RPL15: variants seen among roughly 807,000 people sequenced by gnomAD.
The protein encoded by RPL15 is ribosomal protein L15, also known as large ribosomal subunit protein eL15.
For missense variants in RPL15, 161 were observed against 271.8 expected (o/e 0.59, Z 2.87); for synonymous variants, 97 against 95.1 (o/e 1.02, Z -0.12).
chr3:23,918,325 G>T, intron 2 of RPL15, 115 bp from the exon 3 acceptor site: 1 of 1,228,522 alleles, frequency 8.1e-7, no homozygotes, highest in South Asian at 1.5e-5. Flanking sequence ...TTTTCTATTA[G>T]ATAGCATTAA....
In RPL15 at chr3:23,920,121, A is replaced by G; in HGVS notation, c.*620A>G. The G allele has an allele frequency of 1.0e-6, 1 of 985,862 alleles. No homozygotes were observed. Among genetic ancestry groups the G allele is most frequent in the Non-Finnish European group, 1.2e-6 (1 of 829,920 alleles). The allele number at this position is 985,862 out of a possible 1,614,324, so 61.1% of individuals were successfully genotyped here. A position where few individuals can be genotyped will look rare whatever the true frequency, so the allele number is the denominator to read the frequency against. ...TAAAATTATTAGCCTTAAGATTGGT[A>G]AGCTAGCAATGAATGCTAGGGTGGG... On this transcript the variant is annotated 3_prime_UTR_variant, in exon 4 of 4. Coordinates refer to ENST00000307839, the MANE Select transcript of RPL15 (RefSeq NM_002948.5).
upstream of RPL15, chr3:23,916,957 G>A (rs765065443): frequency 2.0e-5 from 3 of 152,672 alleles, no homozygotes; most frequent in Admixed American, 6.5e-5. Flanking sequence ...AGGCCGCTCA[G>A]GCTCGAATCT....
rs964035352 is a variant in RPL15 at position 23,917,144 on chromosome 3, C to T, written c.-40C>T. On this transcript the variant is annotated 5_prime_UTR_variant, in exon 1 of 4. Coordinates refer to ENST00000307839, the MANE Select transcript of RPL15 (RefSeq NM_002948.5). ...CAAAAGGCATTGTGGGAGTACAGCT[C>T]TTTCCTTTCCGTCTGGCGGCAGCCA... 2.0e-5 allele frequency: 3 copies of T among 153,032 alleles called. No individual in the cohort carries two copies. The highest frequency in any genetic ancestry group is 6.5e-5 in the Admixed American group (1 of 15,308). 9.5% of individuals were successfully genotyped at this position (153,032 alleles called of 1,614,324 possible).
At position 23,919,716 on chromosome 3, in the gene RPL15, T is replaced by C. The variant is rs1299570382; in HGVS notation, c.*215T>C. ...ACTTTTTTGTCTTTGCTTTATCTTA[T>C]TAGGGAGTTGTATGTCAGTGTATAA... On this transcript the variant is annotated 3_prime_UTR_variant, in exon 4 of 4. Transcript: ENST00000307839. 1 of 1,368,834 alleles carries C rather than the reference T, an allele frequency of 7.3e-7. No individual in the cohort carries two copies. The highest frequency in any genetic ancestry group is 2.7e-5 in the East Asian group (1 of 36,856). 84.8% of individuals were successfully genotyped at this position (1,368,834 alleles called of 1,614,324 possible).
At chr3:23,921,894 A>C (rs935504610), downstream of RPL15, 1 of 428,466 alleles carries the variant, frequency 2.3e-6, no homozygotes, top group Non-Finnish European at 4.1e-6. Context: ...TTTTTTGTAC[A>C]GACAGGATCT....
In RPL15 at chr3:23,920,837, A is replaced by G; in HGVS notation, c.*1336A>G. 1 of 903,332 alleles carries G rather than the reference A, an allele frequency of 1.1e-6. No homozygotes were observed. Among genetic ancestry groups the G allele is most frequent in the Non-Finnish European group, 1.3e-6 (1 of 755,038 alleles). 56.0% of individuals were successfully genotyped at this position (903,332 alleles called of 1,614,324 possible). On this transcript the variant is annotated 3_prime_UTR_variant, in exon 4 of 4. Transcript: ENST00000307839. ...AACTGAAGGAATAAATGTCTATTAAACTAAAACAAATGGACCTTCTGTTAT... is the reference window on the plus strand; with the variant it reads ...AACTGAAGGAATAAATGTCTATTAAGCTAAAACAAATGGACCTTCTGTTAT...
In RPL15 at chr3:23,920,566, C is replaced by G. The variant is rs1270445358; in HGVS notation, c.*1065C>G. 1.0e-6 allele frequency: 1 copy of G among 985,276 alleles called. No individual in the cohort carries two copies. The highest frequency in any genetic ancestry group is 1.2e-6 in the Non-Finnish European group (1 of 829,852). The allele number at this position is 985,276 out of a possible 1,614,324, so 61.0% of individuals were successfully genotyped here. A position where few individuals can be genotyped will look rare whatever the true frequency, so the allele number is the denominator to read the frequency against. ...AGACTAGACTACTGTTGTCCAGGGT[C>G]AATTTGAGTGTAAAGAAAATGTAGA... On this transcript the variant is annotated 3_prime_UTR_variant, in exon 4 of 4. Transcript: ENST00000307839.
chr3:23,918,493 C>G lies in RPL15; in HGVS notation c.226C>G (p.Pro76Ala), dbSNP rs1275991366. The G allele has an allele frequency of 6.2e-7, 1 of 1,613,772 alleles. No homozygotes were observed. Among genetic ancestry groups the G allele is most frequent in the Non-Finnish European group, 8.5e-7 (1 of 1,179,868 alleles). Residue 76 changes from proline (P) to alanine (A), a missense_variant, in exon 3 of 4, where the codon CCT becomes GCT. By Grantham distance (27) the Pro-to-Ala change is conservative. Coordinates refer to ENST00000307839, the MANE Select transcript of RPL15 (RefSeq NM_002948.5). ...CCGTGGTGGCCGAAAACGCCCAGTT[C>G]CTAAGGGTGCAACTTACGGCAAGCC... ...VRRGGRKRPVPKGATYGKPVH... is the reference protein window; with the variant it reads ...VRRGGRKRPVAKGATYGKPVH...
At position 23,920,878 on chromosome 3, in the gene RPL15, A is replaced by G; in HGVS notation, c.*1377A>G. The G allele has an allele frequency of 1.5e-6, 1 of 674,688 alleles. No individual in the cohort carries two copies. Among genetic ancestry groups the G allele is most frequent in the Non-Finnish European group, 1.8e-6 (1 of 546,276 alleles). 41.8% of individuals were successfully genotyped at this position (674,688 alleles called of 1,614,324 possible). A position where few individuals can be genotyped will look rare whatever the true frequency, so the allele number is the denominator to read the frequency against. The stretch of plus-strand genomic sequence containing the variant: ...CTTCTGTTATTTTTTGTCATCTTAC[A>G]GTGCTAATGTACTTTAAAGCAAACC... On this transcript the variant is annotated 3_prime_UTR_variant, in exon 4 of 4. Transcript: ENST00000307839.
chr3:23,921,755 A>G, downstream of RPL15: 2 of 605,654 alleles, frequency 3.3e-6, no homozygotes, highest in Non-Finnish European at 5.8e-6. Context: ...TTGTATTTTT[A>G]GTAGAGACTG....
chr3:23,920,882 C>A lies in RPL15; in HGVS notation c.*1381C>A. On this transcript the variant is annotated 3_prime_UTR_variant, in exon 4 of 4. Transcript: ENST00000307839. ...TGTTATTTTTTGTCATCTTACAGTG[C>A]TAATGTACTTTAAAGCAAACCAAAT... 1.6e-6 allele frequency: 1 copy of A among 640,564 alleles called. No individual in the cohort carries two copies. The highest frequency in any genetic ancestry group is 1.9e-6 in the Non-Finnish European group (1 of 515,150). 39.7% of individuals were successfully genotyped at this position (640,564 alleles called of 1,614,324 possible). A position where few individuals can be genotyped will look rare whatever the true frequency, so the allele number is the denominator to read the frequency against.
intron 2 of RPL15, 136 bp from the exon 3 acceptor site, chr3:23,918,304 G>T: frequency 9.4e-7 from 1 of 1,067,634 alleles, no homozygotes; most frequent in Non-Finnish European, 1.3e-6. Flanking sequence ...AGACTGGGAT[G>T]TGTTTTATTT....
In RPL15 at chr3:23,920,783, C is replaced by T. The variant is rs1224522841; in HGVS notation, c.*1282C>T. On this transcript the variant is annotated 3_prime_UTR_variant, in exon 4 of 4. Coordinates refer to ENST00000307839, the MANE Select transcript of RPL15 (RefSeq NM_002948.5). ...CACAAAAAAAGAAAAGATCTTAAGT[C>T]ATACATTTTAATTGTGTAGAGGTTG... The T allele has an allele frequency of 2.1e-6, 2 of 964,002 alleles. No individual in the cohort carries two copies. The highest frequency in any genetic ancestry group is 6.2e-5 in the Admixed American group (1 of 16,222). The allele number at this position is 964,002 out of a possible 1,614,324, so 59.7% of individuals were successfully genotyped here. A position where few individuals can be genotyped will look rare whatever the true frequency, so the allele number is the denominator to read the frequency against.
chr3:23,921,802 T>A (rs1481625780), downstream of RPL15: 10 of 566,402 alleles, frequency 1.8e-5, no homozygotes, highest in Non-Finnish European at 3.1e-5. Context: ...CTCGAACTCC[T>A]GACCTCAAGT....
chr3:23,920,570 TTGAG>T lies in RPL15; in HGVS notation c.*1072_*1075del, dbSNP rs1575123485. On this transcript the variant is annotated 3_prime_UTR_variant, in exon 4 of 4. Coordinates refer to ENST00000307839, the MANE Select transcript of RPL15 (RefSeq NM_002948.5). ...TAGACTACTGTTGTCCAGGGTCAAT[TTGAG>T]TGTAAAGAAAATGTAGACAAGGAAT... 3.0e-6 allele frequency: 3 copies of T among 985,254 alleles called. No homozygotes were observed. In the East Asian group the frequency reaches 3.4e-4, roughly 112 times the overall value. The allele number at this position is 985,254 out of a possible 1,614,324, so 61.0% of individuals were successfully genotyped here.
intron 3 of RPL15, 151 bp downstream of exon 3, chr3:23,918,727 C>T (rs1704866375): frequency 1.1e-6 from 1 of 874,298 alleles, no homozygotes; most frequent in Non-Finnish European, 1.7e-6. Context: ...AGAGTAATTG[C>T]TTGAAAGACT....
At chr3:23,921,482 C>T, downstream of RPL15, 3 of 650,334 alleles carry the variant, frequency 4.6e-6, no homozygotes, top group South Asian at 3.6e-5. Flanking sequence ...ACTTTATTAG[C>T]TATACCCTGA....
At chr3:23,918,871 A>G (rs1559511795) in intron 3 of RPL15, 1 of 506,150 alleles carries the variant, frequency 2.0e-6, no homozygotes, top group Non-Finnish European at 3.4e-6. Context: ...TTTTAAAGCT[A>G]AACGTTGCTG....
downstream of RPL15, chr3:23,923,256 T>C (rs1459575363): frequency 6.7e-6 from 1 of 149,756 alleles, no homozygotes; most frequent in Non-Finnish European, 1.5e-5. Flanking sequence ...GTTTTGCTCT[T>C]ATAGCCCAGG....
Sources: allele counts gnomAD v4.1 joint callset, GRCh38; gene constraint gnomAD v4.1.1; transcripts MANE v1.5; gene names NCBI Gene and HGNC (gene_info 2026-07-23, HGNC 2026-07-21).